Variants in LGALS2 observed in about 807,000 individuals in gnomAD.
LGALS2 encodes galectin 2, also known as galectin-2.
In LGALS2, 7 loss-of-function variants were observed where a neutral mutation model predicts 10.1. The ratio of observed to expected loss-of-function variants is 0.70; its 90% CI spans 0.40 to 1.31. The LOEUF is 1.31. LGALS2 is among the 50% of genes most tolerant of loss of function. The probability of loss-of-function intolerance (pLI) is 0.01; values close to 1 mark genes in which losing one functional copy is unlikely to be tolerated. For synonymous variants in LGALS2, 86 were observed against 64.2 expected (o/e 1.34, Z -1.63); for missense variants, 167 against 163.6 (o/e 1.02, Z -0.11).
At chr22:37,573,104 C>G (rs974384948) in intron 1 of LGALS2, among the ~76,000 whole-genome samples, 2 of 151,138 alleles carry the variant, frequency 1.3e-5, no homozygotes, top group African/African-American at 4.9e-5. Flanking sequence ...AACCCTGTCT[C>G]TACTAAAAAT....
chr22:37,570,448 C>T, intron 3 of LGALS2, 36 bp from the exon 4 acceptor site: 1 of 1,608,336 alleles, frequency 6.2e-7, no homozygotes, highest in Non-Finnish European at 8.5e-7. Context: ...GGCAGGAGGC[C>T]CTGGAAATGG....
chr22:37,571,415 T>TA (rs1925494566), intron 2 of LGALS2, among the ~76,000 whole-genome samples: 1 of 152,210 alleles, frequency 6.6e-6, no homozygotes, highest in Non-Finnish European at 1.5e-5. Context: ...CCGCTGGTTC[T>TA]AACCAAGAGG....
chr22:37,577,682 A>G (rs1393550225), intron 1 of LGALS2, among the ~76,000 whole-genome samples: 2 of 152,120 alleles, frequency 1.3e-5, no homozygotes, highest in East Asian at 3.8e-4. Flanking sequence ...CCCAGCCTCA[A>G]TGTGACCTAT....
Position 37,579,366 on chromosome 22 carries a change from G to A in LGALS2, c.6+534C>T, listed in dbSNP as rs141170981. On this transcript the variant is annotated intron_variant, in intron 1 of 3. Coordinates refer to ENST00000215886, the MANE Select transcript of LGALS2 (RefSeq NM_006498.3). ...GTGGGAGGATCATTTAAGCCAAGGAGGTCAAGTCCGTAGTGAGTTATGATT... is the reference window on the plus strand; with the variant it reads ...GTGGGAGGATCATTTAAGCCAAGGAAGTCAAGTCCGTAGTGAGTTATGATT... Among the ~76,000 whole-genome samples, 854 of 152,110 alleles carry A rather than the reference G, an allele frequency of 5.6e-3. 1 individual carries two copies. The highest frequency in any genetic ancestry group is 0.01 in the Admixed American group (159 of 15,252).
intron 1 of LGALS2, among the ~76,000 whole-genome samples, chr22:37,573,704 T>C (rs988729421): frequency 6.0e-5 from 9 of 149,588 alleles, no homozygotes; most frequent in Non-Finnish European, 1.2e-4. Context: ...CCATCATTTA[T>C]TGTTTTACTT....
At chr22:37,577,232 G>A (rs1400707645) in intron 1 of LGALS2, among the ~76,000 whole-genome samples, 1 of 152,230 alleles carries the variant, frequency 6.6e-6, no homozygotes, top group Non-Finnish European at 1.5e-5. Context: ...AGAGGCAGAG[G>A]GTGATGAGGG....
intron 1 of LGALS2, among the ~76,000 whole-genome samples, chr22:37,579,164 C>T (rs1449667509): frequency 6.7e-6 from 1 of 148,592 alleles, no homozygotes; most frequent in African/African-American, 2.5e-5. Flanking sequence ...CAGAGAATTG[C>T]TTGAACCCAG....
rs148503336 is a variant in LGALS2 at position 37,570,696 on chromosome 22, G to T, written c.129C>A (p.Asn43Lys). The T allele has an allele frequency of 2.0e-4, 320 of 1,614,140 alleles. No homozygotes were observed. Among genetic ancestry groups the T allele is most frequent in the Non-Finnish European group, 2.5e-4 (290 of 1,180,058 alleles). The change falls in exon 3 of 4, where the codon AAC becomes AAA. Residue 43 changes from asparagine (N) to lysine (K), a missense_variant. Coordinates refer to ENST00000215886, the MANE Select transcript of LGALS2 (RefSeq NM_006498.3). ...CGCTGAAGCGAGGGTTGAAATGCAGGTTCAGCTTGTCTGTCCCCTGGCCCA... is the reference window on the plus strand; with the variant it reads ...CGCTGAAGCGAGGGTTGAAATGCAGTTTCAGCTTGTCTGTCCCCTGGCCCA... ...INLGQGTDKL[N>K]LHFNPRFSES...
chr22:37,576,220 AG>A (rs1301505438), intron 1 of LGALS2, among the ~76,000 whole-genome samples: 1 of 151,990 alleles, frequency 6.6e-6, no homozygotes, highest in Admixed American at 6.6e-5. Context: ...TGGGAGGCCG[AG>A]GGGGGCGGAT....
intron 1 of LGALS2, among the ~76,000 whole-genome samples, chr22:37,574,584 G>A (rs1019363228): frequency 7.3e-5 from 11 of 151,534 alleles, no homozygotes; most frequent in African/African-American, 2.4e-4. Flanking sequence ...TGACCAGGAC[G>A]CAACAGGCAC....
rs191683118 is a variant in LGALS2, at chr22:37,577,419, G to A, written c.6+2481C>T. On this transcript the variant is annotated intron_variant, in intron 1 of 3. Transcript: ENST00000215886. ...GGCTGGAGTACAGTGGCTCGATCTCGGCTCACTGCAACCTCTGCCTCCCGG... is the reference window on the plus strand; with the variant it reads ...GGCTGGAGTACAGTGGCTCGATCTCAGCTCACTGCAACCTCTGCCTCCCGG... 3.0e-4 allele frequency among the ~76,000 whole-genome samples: 45 copies of A among 149,264 alleles called. 1 individual carries two copies. Among genetic ancestry groups the A allele is most frequent in the African/African-American group, 1.1e-3 (45 of 40,678 alleles).
rs556195619 is a variant in LGALS2, at chr22:37,579,896, T to C, written c.6+4A>G. 9 of 1,610,414 alleles carry C rather than the reference T, an allele frequency of 5.6e-6. No individual in the cohort carries two copies. In the African/African-American group the frequency reaches 8.0e-5, roughly 14 times the overall value. On this transcript the variant is annotated splice_donor_region_variant and intron_variant, in intron 1 of 3. Coordinates refer to ENST00000215886, the MANE Select transcript of LGALS2 (RefSeq NM_006498.3). ...GGCAGGCAGCAGGGGGCTAGTGTCC[T>C]CACCGTCATGGTGACAGCTCCTGGC...
chr22:37,577,918 C>T (rs1925737096), intron 1 of LGALS2, among the ~76,000 whole-genome samples: 1 of 152,182 alleles, frequency 6.6e-6, no homozygotes, highest in Admixed American at 6.6e-5. Flanking sequence ...AAAGAACCCT[C>T]CCCTTGCGCC....
chr22:37,570,604 A>C lies in LGALS2; in HGVS notation c.221T>G (p.Leu74Arg), dbSNP rs750849578. The C allele has an allele frequency of 6.2e-7, 1 of 1,614,244 alleles. No individual in the cohort carries two copies. The highest frequency in any genetic ancestry group is 8.5e-7 in the Non-Finnish European group (1 of 1,180,046). ...NWGQEQREDH[L>R]CFSPGSEVKF... Reference sequence around the variant, plus strand: ...GACCTCTGACCCTGGGCTGAAGCACAGGTGATCTTCCCGTTGTTCTTGCCC... The same window carrying C: ...GACCTCTGACCCTGGGCTGAAGCACCGGTGATCTTCCCGTTGTTCTTGCCC... Residue 74 changes from leucine (L) to arginine (R), a missense_variant, in exon 3 of 4, where the codon CTG becomes CGG. Physicochemically the swap from Leu to Arg is moderately radical, Grantham distance 102. Coordinates refer to ENST00000215886, the MANE Select transcript of LGALS2 (RefSeq NM_006498.3).
rs1037016200 is a variant in LGALS2, at chr22:37,571,298, G to A, written c.89+551C>T. Among the ~76,000 whole-genome samples the A allele has an allele frequency of 9.2e-5, 14 of 152,158 alleles. No homozygotes were observed. In the South Asian group the frequency reaches 1.5e-3, roughly 16 times the overall value. On this transcript the variant is annotated intron_variant, in intron 2 of 3. Transcript: ENST00000215886. The stretch of plus-strand genomic sequence containing the variant: ...TAGCTCCTATGGCATGCACCTGCCC[G>A]CCCCCTCTCTAACCAAAAGTAGATA...
chr22:37,575,165 G>C (rs6000805), intron 1 of LGALS2, among the ~76,000 whole-genome samples: 75,431 of 149,732 alleles, frequency 0.5, 20,026 homozygotes, highest in Non-Finnish European at 0.59. Context: ...GGATTATAGG[G>C]GTGAGATACC....
chr22:37,570,509 C>T lies in LGALS2; in HGVS notation c.249+67G>A. ...ACAAGGCCAGCACCTGTGTCCAGGC[C>T]AGGCTCTCTTCCATCTGGGCCCTCC... On this transcript the variant is annotated intron_variant, in intron 3 of 3. Transcript: ENST00000215886. The T allele has an allele frequency of 3.7e-6, 6 of 1,608,994 alleles. No homozygotes were observed. In the African/African-American group the frequency reaches 4.0e-5, roughly 11 times the overall value.
intron 3 of LGALS2, 53 bp from the exon 4 acceptor site, chr22:37,570,465 G>C: frequency 6.2e-7 from 1 of 1,607,214 alleles, no homozygotes; most frequent in Non-Finnish European, 8.5e-7. Flanking sequence ...ATGGGCCAGG[G>C]CAGTGCCTGA....
chr22:37,570,748 G>A lies in LGALS2; in HGVS notation c.90-13C>T. The A allele has an allele frequency of 6.2e-7, 1 of 1,614,100 alleles. No homozygotes were observed. The highest frequency in any genetic ancestry group is 8.5e-7 in the Non-Finnish European group (1 of 1,180,008). On this transcript the variant is annotated splice_polypyrimidine_tract_variant and intron_variant, in intron 2 of 3. Transcript: ENST00000215886. ...ATTAATTACAAAGCTGCAGGAGAAG[G>A]GGTAGCAGGTGAGGTTCAGGGCTCA...
Sources: gnomAD v4.1 joint callset for allele counts (sites outside exome capture counted in the v4.1 genomes callset) on GRCh38, gnomAD v4.1.1 for gene constraint, MANE v1.5 for transcripts, NCBI Gene and HGNC (gene_info 2026-07-23, HGNC 2026-07-21) for gene names.